CFTR: variants seen among roughly 807,000 people sequenced by gnomAD.
CFTR encodes the protein CF transmembrane conductance regulator, also known as cystic fibrosis transmembrane conductance regulator.
In CFTR, 181 loss-of-function variants were observed where a neutral mutation model predicts 171.6. The observed-to-expected ratio is 1.05, with a 90% CI of 0.93 to 1.19. The LOEUF (loss-of-function observed/expected upper bound fraction) is 1.19, where lower values mean the gene tolerates loss of function less well. Among genes scored for constraint, CFTR ranks in the 50% most tolerant of loss-of-function variants. The pLI is 0.00. For synonymous variants in CFTR, 583 were observed against 608.0 expected, an observed-to-expected ratio of 0.96 and a Z score of 0.60; for missense variants, 1,968 against 1,734.7, an observed-to-expected ratio of 1.13 and a Z score of -2.39.
chr7:117,559,577 T>G lies in CFTR; in HGVS notation c.1506T>G (p.Ile502Met). 6.2e-7 allele frequency: 1 copy of G among 1,612,652 alleles called. No homozygotes were observed. Among genetic ancestry groups the G allele is most frequent in the South Asian group, 1.1e-5 (1 of 91,038 alleles). ...SQFSWIMPGT[I>M]KENIIFGVSY... ...TTTCCTGGATTATGCCTGGCACCATTAAAGAAAATATCATCTTTGGTGTTT... is the reference window on the plus strand; with the variant it reads ...TTTCCTGGATTATGCCTGGCACCATGAAAGAAAATATCATCTTTGGTGTTT... The change falls in exon 11 of 27, where the codon ATT (isoleucine) becomes ATG (methionine). Residue 502 changes from isoleucine to methionine, a missense_variant. Ile to Met is a conservative substitution (Grantham distance 10, BLOSUM62 1). Transcript: ENST00000003084.
At chr7:117,608,396 G>T (rs1399113601) in intron 18 of CFTR, among the ~76,000 whole-genome samples, 1 of 151,938 alleles carries the variant, frequency 6.6e-6, no homozygotes, top group African/African-American at 2.4e-5. Flanking sequence ...CTAGAGATGG[G>T]GTTTCACCAC....
At chr7:117,586,059 C>T (rs1791928894) in intron 11 of CFTR, 1 of 152,206 alleles carries the variant, frequency 6.6e-6, no homozygotes, top group African/African-American at 2.4e-5. Flanking sequence ...TCTTCAGCCT[C>T]ACTAAAGGAG....
rs34732049 is a variant in CFTR at position 117,613,481 on chromosome 7, T to C, written c.3368-1132T>C. ...CCTCAAGTGTAAATAGACACAATAA[T>C]ATTACCTATTCCATAGGTGTGGGGT... On this transcript the variant is annotated intron_variant, in intron 20 of 26. Transcript: ENST00000003084. Among the ~76,000 whole-genome samples, 739 of 152,236 alleles carry C rather than the reference T, an allele frequency of 4.9e-3. 4 individuals are homozygous for C. Among genetic ancestry groups the C allele is most frequent in the African/African-American group, 0.016 (675 of 41,558 alleles).
In CFTR at chr7:117,559,619, A is replaced by C; in HGVS notation, c.1548A>C (p.Arg516Ser). The C allele has an allele frequency of 1.2e-6, 2 of 1,613,442 alleles. No homozygotes were observed. Among genetic ancestry groups the C allele is most frequent in the Non-Finnish European group, 1.7e-6 (2 of 1,179,594 alleles). ...IIFGVSYDEYRYRSVIKACQL... is the reference protein window; with the variant it reads ...IIFGVSYDEYSYRSVIKACQL... ...TTGGTGTTTCCTATGATGAATATAGATACAGAAGCGTCATCAAAGCATGCC... is the reference window on the plus strand; with the variant it reads ...TTGGTGTTTCCTATGATGAATATAGCTACAGAAGCGTCATCAAAGCATGCC... The change falls in exon 11 of 27, where the codon AGA (arginine) becomes AGC (serine). Residue 516 changes from arginine (R) to serine (S), a missense_variant. Transcript: ENST00000003084.
chr7:117,614,428 C>T (rs1482617730), intron 20 of CFTR, among the ~76,000 whole-genome samples, 185 bp from the exon 21 acceptor site: 2 of 152,104 alleles, frequency 1.3e-5, no homozygotes, highest in Non-Finnish European at 2.9e-5. Context: ...TGAATACTTA[C>T]TATATGCAGA....
At chr7:117,569,455 C>T (rs995642267) in intron 11 of CFTR, among the ~76,000 whole-genome samples, 4 of 151,674 alleles carry the variant, frequency 2.6e-5, no homozygotes, top group Non-Finnish European at 5.9e-5. Flanking sequence ...AGATGATAAC[C>T]CGATAATCAA....
chr7:117,491,384 G>A (rs984132787), intron 1 of CFTR, among the ~76,000 whole-genome samples: 1 of 151,902 alleles, frequency 6.6e-6, no homozygotes, highest in Non-Finnish European at 1.5e-5. Context: ...CTGTTGATTA[G>A]GGCCAGCGTA....
chr7:117,616,839 C>A (rs1300035265), intron 21 of CFTR, among the ~76,000 whole-genome samples: 1 of 152,098 alleles, frequency 6.6e-6, no homozygotes, highest in Non-Finnish European at 1.5e-5. Context: ...GATTTCCCTG[C>A]CAAATAGCAC....
chr7:117,612,005 G>A lies in CFTR; in HGVS notation c.3367+197G>A, dbSNP rs559094119. Reference sequence around the variant, plus strand: ...TTAAACAAATAATTTCCTTGAAATCGGATATATATATATATATGTATATAT... The same window carrying A: ...TTAAACAAATAATTTCCTTGAAATCAGATATATATATATATATGTATATAT... On this transcript the variant is annotated intron_variant, in intron 20 of 26. Coordinates refer to ENST00000003084, the MANE Select transcript of CFTR (RefSeq NM_000492.4). Among the ~76,000 whole-genome samples, 37 of 42,718 alleles carry A rather than the reference G, an allele frequency of 8.7e-4. No individual in the cohort carries two copies. The East Asian group carries it at 0.011, about 13-fold the overall frequency. The allele number at this position is 42,718 out of a possible 152,430, so 28.0% of individuals were successfully genotyped here.
At chr7:117,575,313 G>T (rs918224486) in intron 11 of CFTR, among the ~76,000 whole-genome samples, 2 of 151,998 alleles carry the variant, frequency 1.3e-5, no homozygotes, top group African/African-American at 2.4e-5. Flanking sequence ...AATCTCTATT[G>T]TTCTACCTCT....
intron 4 of CFTR, among the ~76,000 whole-genome samples, chr7:117,532,010 A>C (rs2116671864): frequency 6.6e-6 from 1 of 152,202 alleles, no homozygotes; most frequent in South Asian, 2.1e-4. Flanking sequence ...CTGCAAGGTC[A>C]ATTGTGTTGT....
chr7:117,518,055 G>A (rs1229549437), intron 3 of CFTR, among the ~76,000 whole-genome samples: 3 of 125,606 alleles, frequency 2.4e-5, no homozygotes, highest in Admixed American at 8.3e-5. Context: ...GTTTTATAGA[G>A]TTGTTGTGAG....
intron 22 of CFTR, among the ~76,000 whole-genome samples, chr7:117,637,829 A>G (rs1240385440): frequency 8.6e-5 from 13 of 151,964 alleles, no homozygotes; most frequent in Admixed American, 8.5e-4. Context: ...GTGACCCAAG[A>G]TTGTGCCACT....
rs397508749 is a variant in CFTR, at chr7:117,504,240, C to G, written c.54-13C>G. On this transcript the variant is annotated splice_polypyrimidine_tract_variant and intron_variant, in intron 1 of 26. Transcript: ENST00000003084. ...AATCAAGTGAATATCTGTTCCTCCT[C>G]TCTTTATTTTAGCTGGACCAGACCA... 6.7e-7 allele frequency: 1 copy of G among 1,485,368 alleles called. No individual in the cohort carries two copies. The allele number at this position is 1,485,368 out of a possible 1,614,324, so 92.0% of individuals were successfully genotyped here. A position where few individuals can be genotyped will look rare whatever the true frequency, so the allele number is the denominator to read the frequency against.
chr7:117,655,198 A>G (rs1793149764), intron 24 of CFTR, among the ~76,000 whole-genome samples: 1 of 152,140 alleles, frequency 6.6e-6, no homozygotes, highest in African/African-American at 2.4e-5. Flanking sequence ...TTTGATCAAT[A>G]ATTCCATTTT....
chr7:117,616,604 A>C (rs1042775942), intron 21 of CFTR, among the ~76,000 whole-genome samples: 10 of 152,134 alleles, frequency 6.6e-5, no homozygotes, highest in African/African-American at 2.4e-4. Context: ...TTCAATCTCC[A>C]TGAAAGTTTC....
At chr7:117,513,222 T>C (rs1334817339) in intron 3 of CFTR, among the ~76,000 whole-genome samples, 4 of 152,036 alleles carry the variant, frequency 2.6e-5, no homozygotes, top group Non-Finnish European at 5.9e-5. Context: ...TTGTATACCA[T>C]CTTGAGGTTA....
chr7:117,599,063 C>T (rs1042403799), intron 15 of CFTR, among the ~76,000 whole-genome samples: 4 of 151,846 alleles, frequency 2.6e-5, no homozygotes, highest in Non-Finnish European at 2.9e-5. Flanking sequence ...AACAAAAATA[C>T]GAGATTGGGT....
chr7:117,539,429 T>G (rs1394245541), intron 7 of CFTR, among the ~76,000 whole-genome samples: 1 of 152,108 alleles, frequency 6.6e-6, no homozygotes, highest in Admixed American at 6.6e-5. Context: ...GGGTTTTTTT[T>G]TTTGTTTCAA....
Sources: gnomAD v4.1 joint callset for allele counts (sites outside exome capture counted in the v4.1 genomes callset) on GRCh38, gnomAD v4.1.1 for gene constraint, MANE v1.5 for transcripts, NCBI Gene and HGNC (gene_info 2026-07-23, HGNC 2026-07-21) for gene names.